The following RGS6 variants were observed in gnomAD, a reference collection of about 807,000 sequenced individuals.
The protein encoded by RGS6 is regulator of G protein signaling 6.
Under a neutral mutation model 78.5 loss-of-function variants are expected in RGS6, and 30 were observed. The ratio of observed to expected loss-of-function variants is 0.38; its 90% confidence interval spans 0.29 to 0.52. RGS6 has a LOEUF of 0.52. Ranked by LOEUF, RGS6 falls within the 20% of genes least tolerant of loss-of-function variation. The probability of loss-of-function intolerance (pLI) is 0.85; values close to 1 mark genes in which losing one functional copy is unlikely to be tolerated. For missense variants in RGS6, 495 were observed against 609.7 expected (o/e 0.81, Z 1.98); for synonymous variants, 206 against 206.0 (o/e 1.00, Z 0.00).
intron 3 of RGS6, among the ~76,000 whole-genome samples, chr14:72,405,451 A>G (rs746827759): frequency 1.1e-4 from 16 of 152,346 alleles, no homozygotes; most frequent in African/African-American, 2.2e-4. Flanking sequence ...CAAAGAGTCA[A>G]TGACTTGCTT....
intron 2 of RGS6, among the ~76,000 whole-genome samples, chr14:72,258,185 G>A (rs1046151265): frequency 1.3e-5 from 2 of 152,166 alleles, no homozygotes; most frequent in Non-Finnish European, 2.9e-5. Context: ...AGATTTTAGA[G>A]ATGACATTAC....
the RGS6 span, among the ~76,000 whole-genome samples, chr14:72,580,315 A>ACCCCCC: frequency 1.5e-5 from 2 of 133,678 alleles, no homozygotes; most frequent in African/African-American, 6.2e-5. Flanking sequence ...TGTCCCCCCC[A>ACCCCCC]CCCCGACCCC....
intron 17 of RGS6, among the ~76,000 whole-genome samples, chr14:72,548,205 C>A (rs2097437137): frequency 6.6e-6 from 1 of 152,250 alleles, no homozygotes; most frequent in East Asian, 1.9e-4. Flanking sequence ...ATTCCAACCA[C>A]ATTCAAAGAT....
chr14:71,975,734 G>A (rs891006175), intron 2 of RGS6, among the ~76,000 whole-genome samples: 7 of 152,168 alleles, frequency 4.6e-5, no homozygotes, highest in South Asian at 4.1e-4. Context: ...TGGGATTATA[G>A]GCATGAGCCA....
intron 2 of RGS6, among the ~76,000 whole-genome samples, chr14:72,039,869 T>C (rs1278670576): frequency 6.6e-6 from 1 of 151,208 alleles, no homozygotes; most frequent in Non-Finnish European, 1.5e-5. Flanking sequence ...TTTTCTTTTG[T>C]ATGTCTTCTA....
intron 2 of RGS6, among the ~76,000 whole-genome samples, chr14:72,073,598 G>A (rs1258471069): frequency 6.6e-6 from 1 of 152,128 alleles, no homozygotes; most frequent in Non-Finnish European, 1.5e-5. Flanking sequence ...CTCACACTGG[G>A]ACCACTTAGA....
At chr14:72,230,402 A>G (rs2049247305) in intron 2 of RGS6, among the ~76,000 whole-genome samples, 2 of 152,290 alleles carry the variant, frequency 1.3e-5, no homozygotes, top group Non-Finnish European at 1.5e-5. Flanking sequence ...AGCACTTGTG[A>G]AAAGACAGGA....
intron 1 of RGS6, among the ~76,000 whole-genome samples, chr14:71,956,357 G>GTGTGTGTATATA (rs1555400488): frequency 6.6e-6 from 1 of 150,484 alleles, no homozygotes. Flanking sequence ...GTGTGTGTGT[G>GTGTGTGTATATA]TATATTCTAT....
At chr14:72,320,889 AAATT>A (rs1438914818) in intron 2 of RGS6, among the ~76,000 whole-genome samples, 1 of 150,022 alleles carries the variant, frequency 6.7e-6, no homozygotes, top group Admixed American at 6.7e-5. Context: ...GTATATTAGT[AAATT>A]AATATATTTA....
At chr14:72,275,613 C>G (rs2060551642) in intron 2 of RGS6, among the ~76,000 whole-genome samples, 2 of 152,110 alleles carry the variant, frequency 1.3e-5, no homozygotes, top group South Asian at 4.1e-4. Flanking sequence ...GGCAGGATTC[C>G]TACATAATCT....
chr14:72,148,837 G>A (rs2096643821), intron 2 of RGS6, among the ~76,000 whole-genome samples: 1 of 152,202 alleles, frequency 6.6e-6, no homozygotes, highest in African/African-American at 2.4e-5. Flanking sequence ...AAAGTAAGCT[G>A]TTGTTACATA....
intron 2 of RGS6, among the ~76,000 whole-genome samples, chr14:72,295,703 A>G (rs1193781138): frequency 6.6e-6 from 1 of 152,224 alleles, no homozygotes; most frequent in Non-Finnish European, 1.5e-5. Context: ...AAGGCTTAAT[A>G]TAATATTAAT....
chr14:71,991,584 A>T (rs1438775582), intron 2 of RGS6, among the ~76,000 whole-genome samples: 1 of 152,186 alleles, frequency 6.6e-6, no homozygotes, highest in Admixed American at 6.5e-5. Context: ...TTCCGAAATT[A>T]TAGATAAGCC....
chr14:72,000,773 A>G (rs137954214), intron 2 of RGS6, among the ~76,000 whole-genome samples: 2,354 of 152,302 alleles, frequency 0.015, 51 homozygotes, highest in African/African-American at 0.052. Context: ...TCGAAAAACC[A>G]CTGGATTTGG....
the RGS6 span, among the ~76,000 whole-genome samples, chr14:72,617,696 T>A: frequency 1.3e-5 from 2 of 152,098 alleles, no homozygotes; most frequent in Non-Finnish European, 2.9e-5. Flanking sequence ...CCAAGAGCAA[T>A]TAGCCTAGAG....
chr14:72,017,861 T>A (rs1017996422), intron 2 of RGS6, among the ~76,000 whole-genome samples: 1 of 152,192 alleles, frequency 6.6e-6, no homozygotes, highest in Non-Finnish European at 1.5e-5. Context: ...CATGGTGGTT[T>A]GCTGCACACA....
At chr14:72,619,165 C>G in the RGS6 span, 146 of 888,578 alleles carry the variant, frequency 1.6e-4, 1 homozygote, top group South Asian at 2.0e-3. Context: ...CCATGTGTCC[C>G]TGCCCCTCTG....
chr14:72,509,912 A>G (rs551336917), intron 13 of RGS6, among the ~76,000 whole-genome samples: 1 of 152,332 alleles, frequency 6.6e-6, no homozygotes, highest in South Asian at 2.1e-4. Context: ...AGCCATTTGA[A>G]GGGCATGCCG....
intron 2 of RGS6, among the ~76,000 whole-genome samples, chr14:72,063,794 A>C (rs940756941): frequency 6.6e-6 from 1 of 152,028 alleles, no homozygotes; most frequent in African/African-American, 2.4e-5. Flanking sequence ...GCACACACTT[A>C]TGGGAAGATA....
Sources: allele counts gnomAD v4.1 joint callset (sites outside exome capture counted in the v4.1 genomes callset), GRCh38; gene constraint gnomAD v4.1.1; transcripts MANE v1.5; gene names NCBI Gene and HGNC (gene_info 2026-07-23, HGNC 2026-07-21).